Variants in PDE1C observed in about 807,000 individuals in gnomAD.
PDE1C encodes dual specificity calcium/calmodulin-dependent 3',5'-cyclic nucleotide phosphodiesterase 1C.
In PDE1C, 62 loss-of-function variants were observed where a neutral mutation model predicts 93.1. The ratio of observed to expected loss-of-function variants is 0.67; its 90% CI spans 0.54 to 0.82. The LOEUF is 0.82. Ranked by LOEUF, PDE1C falls within the 40% of genes least tolerant of loss-of-function variation. The pLI, the probability that PDE1C is intolerant of heterozygous loss-of-function variation, is 0.00. For synonymous variants in PDE1C, 325 were observed against 310.1 expected (o/e 1.05, Z -0.50); for missense variants, 742 against 884.6 (o/e 0.84, Z 2.04).
chr7:32,375,161 G>A (rs1784413868), intron 1 of PDE1C, among the ~76,000 whole-genome samples: 1 of 152,118 alleles, frequency 6.6e-6, no homozygotes, highest in Non-Finnish European at 1.5e-5. Context: ...TGGAGAGAAG[G>A]CAATACCAAG....
chr7:32,253,225 A>C (rs572224325), intron 1 of PDE1C, among the ~76,000 whole-genome samples: 94 of 152,366 alleles, frequency 6.2e-4, no homozygotes, highest in African/African-American at 2.2e-3. Context: ...CATCCCCAGA[A>C]GTAGAATTCA....
In PDE1C at chr7:31,816,022, G is replaced by C; in HGVS notation, c.1715C>G (p.Thr572Ser). 2 of 1,613,942 alleles carry C rather than the reference G, an allele frequency of 1.2e-6. No individual in the cohort carries two copies. Among genetic ancestry groups the C allele is most frequent in the South Asian group, 1.1e-5 (1 of 91,076 alleles). Residue 572 changes from threonine (T) to serine (S), a missense_variant, in exon 15 of 18, where the codon ACT (threonine) becomes AGT (serine). This residue lies in a region of PDE1C where 454 missense variants were observed against 459.4 expected (regional missense o/e 0.99). Coordinates refer to ENST00000396191, the MANE Select transcript of PDE1C (RefSeq NM_001191057.4). ...CCGTGTTCCATTGACTTGATTCTTA[G>C]TTTCTCCAGACGTCTTTTTCTCAGC... is the stretch of plus-strand genomic sequence containing the variant. ...GKAEKKTSGETKNQVNGTRAN... is the reference protein window; with the variant it reads ...GKAEKKTSGESKNQVNGTRAN...
chr7:32,201,320 G>T (rs922075692), intron 2 of PDE1C, among the ~76,000 whole-genome samples: 2 of 152,184 alleles, frequency 1.3e-5, no homozygotes, highest in Non-Finnish European at 2.9e-5. Context: ...GATAGAGGAG[G>T]AGGTGCTTGG....
chr7:32,199,127 A>G (rs2128828405), intron 2 of PDE1C, among the ~76,000 whole-genome samples: 1 of 148,826 alleles, frequency 6.7e-6, no homozygotes, highest in East Asian at 2.0e-4. Flanking sequence ...ACCAAAAATA[A>G]AAATTTAAAA....
intron 1 of PDE1C, among the ~76,000 whole-genome samples, chr7:32,237,322 C>A (rs1193450885): frequency 6.6e-6 from 1 of 151,724 alleles, no homozygotes; most frequent in African/African-American, 2.4e-5. Flanking sequence ...CTCCTGACCT[C>A]GTGATCCGCC....
intron 2 of PDE1C, among the ~76,000 whole-genome samples, chr7:31,954,255 A>C (rs1284796161): frequency 1.3e-5 from 2 of 152,150 alleles, no homozygotes; most frequent in Non-Finnish European, 2.9e-5. Context: ...CAAGAACCTT[A>C]TCTCTCTCTT....
intron 9 of PDE1C, among the ~76,000 whole-genome samples, chr7:31,838,211 A>G (rs904494618): frequency 2.0e-5 from 3 of 152,230 alleles, no homozygotes; most frequent in Admixed American, 2.0e-4. Context: ...ATTAACTCAC[A>G]GGAAAAAATT....
At chr7:32,038,729 A>G (rs1791436974) in intron 2 of PDE1C, among the ~76,000 whole-genome samples, 1 of 152,196 alleles carries the variant, frequency 6.6e-6, no homozygotes, top group African/African-American at 2.4e-5. Flanking sequence ...AAAGTAAGTC[A>G]CTGATATCAA....
intron 1 of PDE1C, among the ~76,000 whole-genome samples, chr7:32,223,387 C>G (rs1341703250): frequency 2.0e-5 from 3 of 152,168 alleles, no homozygotes; most frequent in Non-Finnish European, 4.4e-5. Context: ...CCCCACTTTA[C>G]TCATGAGGCA....
At chr7:31,633,990 C>T in the PDE1C span, among the ~76,000 whole-genome samples, 1 of 152,060 alleles carries the variant, frequency 6.6e-6, no homozygotes, top group Non-Finnish European at 1.5e-5. Flanking sequence ...CTTTTATTAC[C>T]AGACCAGCCC....
At chr7:32,255,347 GGATTTGCATA>G (rs1809714903) in intron 1 of PDE1C, among the ~76,000 whole-genome samples, 1 of 152,170 alleles carries the variant, frequency 6.6e-6, no homozygotes. Context: ...CCTGGGCTTT[GGATTTGCATA>G]GACCTCAGTT....
At chr7:31,917,483 T>C (rs1802075365) in intron 2 of PDE1C, among the ~76,000 whole-genome samples, 1 of 152,148 alleles carries the variant, frequency 6.6e-6, no homozygotes, top group Non-Finnish European at 1.5e-5. Flanking sequence ...AAACCAAGCC[T>C]TTCTAGACTA....
intron 2 of PDE1C, among the ~76,000 whole-genome samples, chr7:32,023,805 G>A (rs1319111301): frequency 6.6e-6 from 1 of 152,132 alleles, no homozygotes; most frequent in African/African-American, 2.4e-5. Flanking sequence ...GTGTTACCAT[G>A]ATGGCACAGT....
chr7:31,673,089 C>T, the PDE1C span, among the ~76,000 whole-genome samples: 1 of 152,142 alleles, frequency 6.6e-6, no homozygotes. Context: ...AAACCTCTTT[C>T]CTTCCTAAAT....
intron 16 of PDE1C, among the ~76,000 whole-genome samples, chr7:31,799,370 CA>C (rs1450278159): frequency 1.3e-5 from 2 of 151,536 alleles, no homozygotes; most frequent in African/African-American, 4.8e-5. Flanking sequence ...TAACATTTTT[CA>C]AAATATGAAC....
intron 1 of PDE1C, among the ~76,000 whole-genome samples, chr7:32,066,339 C>T (rs371765771): frequency 6.6e-6 from 1 of 152,146 alleles, no homozygotes; most frequent in Non-Finnish European, 1.5e-5. Flanking sequence ...ACTTAATAGC[C>T]ATTCTCTTGC....
At chr7:31,910,773 G>C (rs764141041) in intron 2 of PDE1C, among the ~76,000 whole-genome samples, 16 of 152,116 alleles carry the variant, frequency 1.1e-4, no homozygotes, top group Non-Finnish European at 1.9e-4. Context: ...TTCCTCCTCT[G>C]TCAAGGGGGA....
At chr7:31,642,906 G>T in the PDE1C span, 2 of 1,613,898 alleles carry the variant, frequency 1.2e-6, no homozygotes, top group East Asian at 4.5e-5. Flanking sequence ...AGGCCATGGA[G>T]GGGCCACCAG....
At chr7:32,278,689 C>A (rs1811442768) in intron 1 of PDE1C, among the ~76,000 whole-genome samples, 1 of 152,178 alleles carries the variant, frequency 6.6e-6, no homozygotes, top group Non-Finnish European at 1.5e-5. Flanking sequence ...ATGCCTATAG[C>A]ATTTTGAAGA....
Sources: allele counts gnomAD v4.1 joint callset (sites outside exome capture counted in the v4.1 genomes callset), GRCh38; gene constraint gnomAD v4.1.1; regional missense constraint gnomAD v4.1.1; transcripts MANE v1.5; gene names NCBI Gene and HGNC (gene_info 2026-07-23, HGNC 2026-07-21).